ACSM2A: variants seen among roughly 807,000 people sequenced by gnomAD.
ACSM2A encodes acyl-coenzyme A synthetase ACSM2A, mitochondrial.
In ACSM2A, 72 loss-of-function variants were observed where a neutral mutation model predicts 76.6. The ratio of observed to expected loss-of-function variants is 0.94; its 90% CI spans 0.78 to 1.14. The LOEUF is 1.14. Among genes scored for constraint, ACSM2A ranks in the 50% most tolerant of loss-of-function variants. The probability of loss-of-function intolerance (pLI) is 0.00; values close to 1 mark genes in which losing one functional copy is unlikely to be tolerated. For missense variants in ACSM2A, 684 were observed against 708.5 expected, an observed-to-expected ratio of 0.97 and a Z score of 0.39; for synonymous variants, 249 against 255.9, an observed-to-expected ratio of 0.97 and a Z score of 0.26.
chr16:20,476,388 G>A, intron 8 of ACSM2A: 1 of 985,622 alleles, frequency 1.0e-6, no homozygotes, highest in Non-Finnish European at 1.2e-6. Flanking sequence ...GTGACTCTCA[G>A]CACTTCTTGC....
At chr16:20,457,464 C>A (rs910447137) in intron 1 of ACSM2A, among the ~76,000 whole-genome samples, 2 of 152,020 alleles carry the variant, frequency 1.3e-5, no homozygotes, top group African/African-American at 4.8e-5. Flanking sequence ...AGATAATCCA[C>A]CATGATGAAG....
At chr16:20,474,013 G>T (rs1157791541) in intron 6 of ACSM2A, 1 of 446,536 alleles carries the variant, frequency 2.2e-6, no homozygotes, top group Non-Finnish European at 4.5e-6. Flanking sequence ...CTACCTATAA[G>T]CTGGAAGCCC....
intron 1 of ACSM2A, among the ~76,000 whole-genome samples, chr16:20,456,830 A>C (rs2012187504): frequency 6.6e-6 from 1 of 151,306 alleles, no homozygotes; most frequent in Admixed American, 6.6e-5. Flanking sequence ...AATTGAGATA[A>C]AAAAATACAA....
chr16:20,469,257 A>G (rs1910804), intron 3 of ACSM2A, among the ~76,000 whole-genome samples: 6 of 152,262 alleles, frequency 3.9e-5, no homozygotes, highest in African/African-American at 9.6e-5. Flanking sequence ...GTCTTAGACT[A>G]TCAACAATGT....
In ACSM2A at chr16:20,457,702, C is replaced by A. The variant is rs150142564; in HGVS notation, c.-8-2405C>A. 1.2e-3 allele frequency among the ~76,000 whole-genome samples: 178 copies of A among 152,124 alleles called. 1 individual carries two copies. Among genetic ancestry groups the A allele is most frequent in the African/African-American group, 4.1e-3 (170 of 41,520 alleles). On this transcript the variant is annotated intron_variant, in intron 1 of 13. Coordinates refer to ENST00000573854, the MANE Select transcript of ACSM2A (RefSeq NM_001308172.2). ...AAGCCATCTATGATAAACCCACAGG[C>A]AACATAATAGTGAATGGGGAAAAGT...
At chr16:20,453,936 T>C (rs1280709586) in intron 1 of ACSM2A, 18 of 125,008 alleles carry the variant, frequency 1.4e-4, no homozygotes, top group African/African-American at 6.0e-4. Flanking sequence ...TCTCAAACCC[T>C]GTTTCCTGTG....
chr16:20,463,185 A>G (rs990224821), intron 2 of ACSM2A, among the ~76,000 whole-genome samples: 1 of 151,016 alleles, frequency 6.6e-6, no homozygotes, highest in African/African-American at 2.4e-5. Flanking sequence ...TACATATGTG[A>G]CAAACGTGCA....
At chr16:20,453,273 C>T (rs1394519369) in intron 1 of ACSM2A, 1 of 151,824 alleles carries the variant, frequency 6.6e-6, no homozygotes, top group South Asian at 2.1e-4. Flanking sequence ...GAGGGATCGG[C>T]CAGAGCTGAG....
At chr16:20,470,771 G>A (rs1211102427) in intron 4 of ACSM2A, 16 of 560,198 alleles carry the variant, frequency 2.9e-5, no homozygotes, top group Admixed American at 2.2e-4. Context: ...CATTTCTTTG[G>A]TGGTAGAGAT....
intron 10 of ACSM2A, among the ~76,000 whole-genome samples, chr16:20,479,472 T>C (rs2013962920): frequency 6.6e-6 from 1 of 152,230 alleles, no homozygotes; most frequent in African/African-American, 2.4e-5. Context: ...AACCCTGCTC[T>C]ACTATGTATT....
At chr16:20,456,488 T>C (rs938819612) in intron 1 of ACSM2A, among the ~76,000 whole-genome samples, 2 of 151,648 alleles carry the variant, frequency 1.3e-5, no homozygotes, top group Admixed American at 6.6e-5. Context: ...GGAAATCAAC[T>C]CCAAAAGGAA....
intron 3 of ACSM2A, among the ~76,000 whole-genome samples, chr16:20,468,455 G>C (rs772063687): frequency 6.6e-6 from 1 of 152,210 alleles, no homozygotes; most frequent in Admixed American, 6.5e-5. Context: ...TGCCTCCCAG[G>C]TTCAAGCAAT....
chr16:20,458,892 TTATATATATATGCATATATATATATATA>T (rs1555497705), intron 1 of ACSM2A, among the ~76,000 whole-genome samples: 2 of 111,178 alleles, frequency 1.8e-5, no homozygotes, highest in Admixed American at 1.1e-4. Context: ...ATAGTATATA[TTATATATATATGCATATATATATATATA>T]TATATATATA....
intron 12 of ACSM2A, chr16:20,482,219 A>G (rs2014129702): frequency 6.6e-6 from 1 of 151,930 alleles, no homozygotes; most frequent in South Asian, 2.1e-4. Flanking sequence ...CATAGTAAGT[A>G]CTATATAATG....
chr16:20,486,670 G>A lies in ACSM2A; in HGVS notation c.1726G>A (p.Ala576Thr). ...GTGGAAGATGTCCGGAAAAGCCCGT[G>A]CGCAGTGAGACATCTAAGAGACATT... is the stretch of plus-strand genomic sequence containing the variant. ...KEWKMSGKAR[A>T]Q Residue 576 changes from alanine to threonine, a missense_variant, in exon 14 of 14, where the codon GCG becomes ACG. Coordinates refer to ENST00000573854, the MANE Select transcript of ACSM2A (RefSeq NM_001308172.2). The A allele has an allele frequency of 6.2e-7, 1 of 1,614,124 alleles. No homozygotes were observed. The highest frequency in any genetic ancestry group is 8.5e-7 in the Non-Finnish European group (1 of 1,180,006).
intron 6 of ACSM2A, among the ~76,000 whole-genome samples, chr16:20,472,492 C>T (rs1002695602): frequency 7.2e-5 from 11 of 152,156 alleles, no homozygotes; most frequent in African/African-American, 2.2e-4. Flanking sequence ...CTCCAAATAC[C>T]ATCAAGTTGA....
At chr16:20,479,148 G>A (rs1307268153) in intron 10 of ACSM2A, among the ~76,000 whole-genome samples, 1 of 151,768 alleles carries the variant, frequency 6.6e-6, no homozygotes, top group Non-Finnish European at 1.5e-5. Flanking sequence ...CCTTGAATCT[G>A]GCCACCTCAC....
At chr16:20,485,591 G>C (rs1411483491) in intron 13 of ACSM2A, among the ~76,000 whole-genome samples, 6 of 152,196 alleles carry the variant, frequency 3.9e-5, no homozygotes, top group East Asian at 1.9e-4. Context: ...ATGGGTATGA[G>C]TGTTTCAATG....
intron 9 of ACSM2A, 128 bp downstream of exon 9, chr16:20,477,577 A>T: frequency 6.9e-7 from 1 of 1,449,206 alleles, no homozygotes; most frequent in South Asian, 1.7e-5. Flanking sequence ...TAAGAAAAAA[A>T]GGAGGTAGGG....
Sources: allele counts gnomAD v4.1 joint callset (sites outside exome capture counted in the v4.1 genomes callset), GRCh38; gene constraint gnomAD v4.1.1; transcripts MANE v1.5; gene names NCBI Gene and HGNC (gene_info 2026-07-23, HGNC 2026-07-21).